The following KIAA1217 variants were observed in gnomAD, a reference collection of about 807,000 sequenced individuals.
The protein encoded by KIAA1217 is KIAA1217.
In KIAA1217, 88 loss-of-function variants were observed where a neutral mutation model predicts 163.9. That is an observed-to-expected ratio of 0.54 (90% CI 0.45 to 0.64). KIAA1217 has a LOEUF of 0.64. KIAA1217 is among the 30% of genes least tolerant of loss of function. The pLI, the probability that KIAA1217 is intolerant of heterozygous loss-of-function variation, is 0.00. For missense variants in KIAA1217, 2,372 were observed against 2,475.0 expected, an observed-to-expected ratio of 0.96 and a Z score of 0.88; for synonymous variants, 903 against 923.1, an observed-to-expected ratio of 0.98 and a Z score of 0.39.
chr10:24,464,700 G>T (rs2132712209), intron 5 of KIAA1217, among the ~76,000 whole-genome samples: 1 of 152,250 alleles, frequency 6.6e-6, no homozygotes, highest in African/African-American at 2.4e-5. Flanking sequence ...GCCCAAGCTG[G>T]TCTCAAACTC....
Position 24,542,904 on chromosome 10 carries a change from C to A in KIAA1217, c.3634C>A (p.Pro1212Thr). ...FQKVTTGAVR[P>T]SDPPKWERGM... Reference sequence around the variant, plus strand: ...TCAGGTTACCACAGGGGCTGTAAGACCTAGTGACCCTCCTAAGTGGGAAAG... The same window carrying A: ...TCAGGTTACCACAGGGGCTGTAAGAACTAGTGACCCTCCTAAGTGGGAAAG... The change falls in exon 19 of 21, where the codon CCT becomes ACT. Residue 1212 changes from proline (P) to threonine (T), a missense_variant. Transcript: ENST00000376454. 6.2e-7 allele frequency: 1 copy of A among 1,611,438 alleles called. No homozygotes were observed. The highest frequency in any genetic ancestry group is 8.5e-7 in the Non-Finnish European group (1 of 1,178,730).
intron 1 of KIAA1217, among the ~76,000 whole-genome samples, chr10:23,985,624 G>A (rs753104754): frequency 2.0e-5 from 3 of 152,102 alleles, no homozygotes; most frequent in Non-Finnish European, 2.9e-5. Flanking sequence ...CCACTTCTAG[G>A]TACTGATTTC....
intron 1 of KIAA1217, among the ~76,000 whole-genome samples, chr10:23,711,926 C>T (rs1033242110): frequency 3.3e-5 from 5 of 152,230 alleles, no homozygotes; most frequent in East Asian, 3.9e-4. Context: ...ATGTGGGAAT[C>T]GCAGAGAAAC....
At chr10:23,842,763 A>G (rs1240830137) in intron 1 of KIAA1217, among the ~76,000 whole-genome samples, 3 of 152,016 alleles carry the variant, frequency 2.0e-5, no homozygotes, top group African/African-American at 7.2e-5. Context: ...ATTTTAGGAT[A>G]AAATCATCTA....
chr10:24,518,114 T>G (rs2070490631), intron 10 of KIAA1217, among the ~76,000 whole-genome samples: 1 of 152,228 alleles, frequency 6.6e-6, no homozygotes, highest in South Asian at 2.1e-4. Context: ...TGCTTCTTTT[T>G]AACAAAGCTA....
At chr10:24,391,547 G>A (rs1484372617) in intron 3 of KIAA1217, among the ~76,000 whole-genome samples, 1 of 151,998 alleles carries the variant, frequency 6.6e-6, no homozygotes, top group Non-Finnish European at 1.5e-5. Context: ...GTTTCACTAT[G>A]TTGGCCAAGC....
intron 2 of KIAA1217, among the ~76,000 whole-genome samples, chr10:24,326,476 C>T (rs1026817225): frequency 2.0e-5 from 3 of 151,880 alleles, no homozygotes; most frequent in African/African-American, 4.8e-5. Context: ...ATGACAAAAG[C>T]GCTTTTATAA....
At chr10:24,247,114 A>C (rs886911469) in intron 2 of KIAA1217, among the ~76,000 whole-genome samples, 1 of 102,518 alleles carries the variant, frequency 9.8e-6, no homozygotes, top group Non-Finnish European at 1.8e-5. Context: ...TCTGACCCTT[A>C]TTTTCTTTTC....
intron 2 of KIAA1217, among the ~76,000 whole-genome samples, chr10:24,285,319 G>T (rs950163056): frequency 6.6e-6 from 1 of 152,124 alleles, no homozygotes; most frequent in African/African-American, 2.4e-5. Flanking sequence ...TGTCTGAGGG[G>T]TATTCCCTCG....
chr10:24,158,495 A>G, intron 2 of KIAA1217: 2 of 526,422 alleles, frequency 3.8e-6, no homozygotes, highest in South Asian at 2.8e-5. Flanking sequence ...CAGGCTCGGA[A>G]AGCCTTAACC....
intron 2 of KIAA1217, among the ~76,000 whole-genome samples, chr10:24,147,006 TAAAAAAA>T (rs755857019): frequency 9.0e-6 from 1 of 110,726 alleles, no homozygotes; most frequent in Non-Finnish European, 1.9e-5. Flanking sequence ...TTTGTTTTGT[TAAAAAAA>T]AAAAAAAAAA....
intron 2 of KIAA1217, among the ~76,000 whole-genome samples, chr10:24,365,248 C>T (rs1419721823): frequency 2.0e-5 from 3 of 152,160 alleles, no homozygotes; most frequent in Non-Finnish European, 4.4e-5. Context: ...GTTGAGGTCT[C>T]TTTGTCCCTC....
intron 1 of KIAA1217, among the ~76,000 whole-genome samples, chr10:23,748,702 C>T (rs1424019477): frequency 1.3e-5 from 2 of 152,030 alleles, no homozygotes; most frequent in Non-Finnish European, 2.9e-5. Context: ...CTCTATTTTC[C>T]CTGTGCCTTT....
chr10:23,859,726 T>C (rs541227733), intron 1 of KIAA1217, among the ~76,000 whole-genome samples: 1 of 152,354 alleles, frequency 6.6e-6, no homozygotes, highest in Non-Finnish European at 1.5e-5. Context: ...GAAAAGGTCA[T>C]ATGCTTTTAG....
chr10:24,521,852 G>A lies in KIAA1217; in HGVS notation c.2379G>A (p.Leu793=), dbSNP rs981819916. 5 of 1,613,802 alleles carry A rather than the reference G, an allele frequency of 3.1e-6. No individual in the cohort carries two copies. The highest frequency in any genetic ancestry group is 3.3e-4 in the Middle Eastern group (2 of 6,084). Reference sequence around the variant, plus strand: ...TAGAAGTGGAGGCCGTGCGGTTTCTGAAGGAGGAGCCACACAAGCTGGACA... The same window carrying A: ...TAGAAGTGGAGGCCGTGCGGTTTCTAAAGGAGGAGCCACACAAGCTGGACA... ...LRIEVEAVRF[L]KEEPHKLDSL... The change falls in exon 12 of 21, where the codon CTG becomes CTA. Residue 793 remains leucine, a synonymous_variant. Transcript: ENST00000376454.
intron 1 of KIAA1217, among the ~76,000 whole-genome samples, chr10:23,859,291 C>T (rs1839848531): frequency 1.3e-5 from 2 of 152,190 alleles, no homozygotes; most frequent in South Asian, 4.1e-4. Flanking sequence ...TTAAGTGCTT[C>T]TGGGATCTCT....
Position 24,219,815 on chromosome 10 carries a change from A to G in KIAA1217, c.260A>G (p.Asp87Gly), listed in dbSNP as rs536031171. Residue 87 changes from aspartate (D) to glycine (G), a missense_variant, in exon 2 of 21, where the codon GAT (aspartate) becomes GGT (glycine). Around this residue, in one of 3 missense-constraint regions of KIAA1217, gnomAD observed 1,431 missense variants for 1,470.3 expected, o/e 0.97. Transcript: ENST00000376454. ...CTGGGAATGCAAACATCTGAGATGGATCGGAAGAGAGAAGCGTTCCTAGAA... is the reference window on the plus strand; with the variant it reads ...CTGGGAATGCAAACATCTGAGATGGGTCGGAAGAGAGAAGCGTTCCTAGAA... The part of the protein sequence containing the change: ...EILGMQTSEM[D>G]RKREAFLEHL... 1 of 1,613,882 alleles carries G rather than the reference A, an allele frequency of 6.2e-7. No homozygotes were observed. Among genetic ancestry groups the G allele is most frequent in the African/African-American group, 1.3e-5 (1 of 74,928 alleles).
chr10:24,543,538 C>T lies in KIAA1217; in HGVS notation c.4268C>T (p.Thr1423Ile), dbSNP rs61734877. 14 of 1,613,838 alleles carry T rather than the reference C, an allele frequency of 8.7e-6. No homozygotes were observed. In the African/African-American group the frequency reaches 1.2e-4, roughly 14 times the overall value. The change falls in exon 19 of 21, where the codon ACC (threonine) becomes ATC (isoleucine). Residue 1423 changes from threonine to isoleucine, a missense_variant. By Grantham distance (89) the Thr-to-Ile change is moderately conservative (BLOSUM62 -1). Coordinates refer to ENST00000376454, the MANE Select transcript of KIAA1217 (RefSeq NM_019590.5). ...AATATCGATGCCAGAAAAGAGATGA[C>T]CCCCCGACAAGAAGGGACTGACAAT... ...TVNIDARKEM[T>I]PRQEGTDNED...
intron 1 of KIAA1217, among the ~76,000 whole-genome samples, chr10:23,838,516 A>G (rs1219539052): frequency 6.6e-6 from 1 of 151,514 alleles, no homozygotes; most frequent in Non-Finnish European, 1.5e-5. Flanking sequence ...GCTGGAGTGC[A>G]GTGGCACCAT....
Sources: gnomAD v4.1 joint callset for allele counts (sites outside exome capture counted in the v4.1 genomes callset) on GRCh38, gnomAD v4.1.1 for gene constraint, gnomAD v4.1.1 regional missense constraint, MANE v1.5 for transcripts, NCBI Gene and HGNC (gene_info 2026-07-23, HGNC 2026-07-21) for gene names.